TMEM131: variants seen among roughly 807,000 people sequenced by gnomAD.
TMEM131 encodes the protein transmembrane protein 131, also known as 2610524E03Rik.
TMEM131 carries 66 observed loss-of-function variants against 211.6 expected under a neutral mutation model. The observed-to-expected ratio is 0.31, with a 90% confidence interval of 0.26 to 0.38. The LOEUF (loss-of-function observed/expected upper bound fraction) is 0.38. Among genes scored for constraint, TMEM131 ranks in the 10% least tolerant of loss-of-function variants. The pLI is 1.00. For synonymous variants in TMEM131, 844 were observed against 841.3 expected, an observed-to-expected ratio of 1.00 and a Z score of -0.06; for missense variants, 2,036 against 2,299.3, an observed-to-expected ratio of 0.89 and a Z score of 2.34.
intron 1 of TMEM131, among the ~76,000 whole-genome samples, chr2:97,952,128 GC>G (rs375111340): frequency 4.6e-5 from 7 of 151,400 alleles, no homozygotes; most frequent in African/African-American, 1.7e-4. Context: ...CTGCACTCCA[GC>G]CTGGGTGACA....
intron 5 of TMEM131, among the ~76,000 whole-genome samples, chr2:97,847,892 T>C (rs186739042): frequency 1.3e-5 from 2 of 152,196 alleles, no homozygotes; most frequent in Admixed American, 1.3e-4. Flanking sequence ...AAAAGAACAT[T>C]ATAAAAAAAA....
At position 97,812,743 on chromosome 2, in the gene TMEM131, C is replaced by T. The variant is rs757710578; in HGVS notation, c.1624G>A (p.Val542Ile). ...RVYTGFLDYF[V>I]LPPKIEERFI... is the part of the protein sequence containing the mutation. ...CGTTCCTCTATTTTGGGGGGCAATA[C>T]AAAGTACTGGAAAGATATAAAAGAA... The change falls in exon 16 of 41, where the codon GTA becomes ATA. Residue 542 changes from valine (V) to isoleucine (I), a missense_variant. Physicochemically the swap from Val to Ile is conservative, Grantham distance 29 (BLOSUM62 3). Around this residue, in one of 3 missense-constraint regions of TMEM131, gnomAD observed 1,623 missense variants for 1,805.9 expected, o/e 0.90. Coordinates refer to ENST00000186436, the MANE Select transcript of TMEM131 (RefSeq NM_015348.2). The T allele has an allele frequency of 1.9e-5, 30 of 1,551,776 alleles. No individual in the cohort carries two copies. The highest frequency in any genetic ancestry group is 2.6e-5 in the Non-Finnish European group (30 of 1,145,346).
intron 4 of TMEM131, among the ~76,000 whole-genome samples, chr2:97,881,295 C>G (rs6543192): frequency 0.76 from 115,446 of 150,944 alleles, 45,840 homozygotes; most frequent in African/African-American, 0.89. Context: ...CTGGAGTGCA[C>G]TGTTGTGATC....
chr2:97,800,369 C>T (rs1477719683), intron 25 of TMEM131, among the ~76,000 whole-genome samples: 1 of 152,152 alleles, frequency 6.6e-6, no homozygotes, highest in Non-Finnish European at 1.5e-5. Context: ...CAGTGTTCTA[C>T]ATCTTGTAAA....
intron 28 of TMEM131, among the ~76,000 whole-genome samples, chr2:97,795,461 T>C (rs557524782): frequency 6.6e-6 from 1 of 152,328 alleles, no homozygotes; most frequent in Non-Finnish European, 1.5e-5. Flanking sequence ...TAATGTCTTT[T>C]TTAAAAAAAC....
chr2:97,924,035 G>A (rs1406517636), intron 2 of TMEM131, among the ~76,000 whole-genome samples: 4 of 152,004 alleles, frequency 2.6e-5, no homozygotes, highest in African/African-American at 9.7e-5. Context: ...AGCCGAGACT[G>A]CGCCACCGCG....
At chr2:97,925,644 G>A (rs1025099294) in intron 2 of TMEM131, among the ~76,000 whole-genome samples, 2 of 152,064 alleles carry the variant, frequency 1.3e-5, no homozygotes, top group African/African-American at 4.8e-5. Flanking sequence ...GGTACTTACT[G>A]GACACTGAAT....
rs753151846 is a variant in TMEM131, at chr2:97,760,928, C to CA, written c.4890-15dup. On this transcript the variant is annotated splice_polypyrimidine_tract_variant and intron_variant, in intron 36 of 40. Transcript: ENST00000186436. ...ATTTTAGGGTCACTTGAAAAAGAAGCAAAGAGAGAACTCATTCCTCATCAG... is the reference window on the plus strand; with the variant it reads ...ATTTTAGGGTCACTTGAAAAAGAAGCAAAAGAGAGAACTCATTCCTCATCAG... 1 of 1,613,770 alleles carries CA rather than the reference C, an allele frequency of 6.2e-7. No individual in the cohort carries two copies. The highest frequency in any genetic ancestry group is 8.5e-7 in the Non-Finnish European group (1 of 1,179,796).
chr2:97,972,448 A>AG (rs1679341003), intron 1 of TMEM131, among the ~76,000 whole-genome samples: 1 of 10,490 alleles, frequency 9.5e-5, no homozygotes, highest in East Asian at 3.0e-3. Flanking sequence ...GGAGGGAGGG[A>AG]GGGAGGGGAG....
Position 97,812,474 on chromosome 2 carries a change from T to C in TMEM131, c.1810A>G (p.Ile604Val), listed in dbSNP as rs748924902. 1.9e-6 allele frequency: 3 copies of C among 1,613,356 alleles called. No homozygotes were observed. The Admixed American group carries it at 5.0e-5, about 27-fold the overall frequency. Residue 604 changes from isoleucine to valine, a missense_variant, in exon 17 of 41, where the codon ATA (isoleucine) becomes GTA (valine). Transcript: ENST00000186436. ...VAVERGNRTT[I>V]ISSLPEFEKS... Reference sequence around the variant, plus strand: ...TCAAACTCTGGCAGGCTTGAAATTATTGTAGTTCTATTGCCTCTTTCCACA... The same window carrying C: ...TCAAACTCTGGCAGGCTTGAAATTACTGTAGTTCTATTGCCTCTTTCCACA...
chr2:97,951,913 T>C (rs557838473), intron 1 of TMEM131, among the ~76,000 whole-genome samples: 8 of 152,040 alleles, frequency 5.3e-5, no homozygotes, highest in African/African-American at 1.7e-4. Flanking sequence ...AATCCCAGCA[T>C]TATGGGAGGC....
chr2:97,891,015 G>A (rs1301144782), intron 3 of TMEM131, among the ~76,000 whole-genome samples: 4 of 152,118 alleles, frequency 2.6e-5, no homozygotes, highest in Non-Finnish European at 4.4e-5. Context: ...GAGTGAGTAC[G>A]ATACAAGTTG....
chr2:97,932,205 T>A (rs2104458896), intron 1 of TMEM131, among the ~76,000 whole-genome samples: 1 of 151,948 alleles, frequency 6.6e-6, no homozygotes. Context: ...CATCAATATC[T>A]CTTTTACAGT....
intron 15 of TMEM131, among the ~76,000 whole-genome samples, chr2:97,813,530 C>T (rs911659001): frequency 1.3e-5 from 2 of 152,216 alleles, no homozygotes; most frequent in African/African-American, 2.4e-5. Context: ...TCCAACTTTG[C>T]GTCTTTACTA....
At chr2:97,945,464 T>C (rs919369728) in intron 1 of TMEM131, among the ~76,000 whole-genome samples, 1 of 152,188 alleles carries the variant, frequency 6.6e-6, no homozygotes, top group Non-Finnish European at 1.5e-5. Context: ...AAATTGTATC[T>C]CAATATTTTA....
At chr2:97,842,623 C>A (rs941832698) in intron 6 of TMEM131, among the ~76,000 whole-genome samples, 2 of 151,964 alleles carry the variant, frequency 1.3e-5, no homozygotes, top group South Asian at 2.1e-4. Flanking sequence ...GCCTGGAAGA[C>A]AGCAGTGGTA....
chr2:97,960,974 C>T (rs1269486052), intron 1 of TMEM131, among the ~76,000 whole-genome samples: 1 of 151,928 alleles, frequency 6.6e-6, no homozygotes, highest in Non-Finnish European at 1.5e-5. Context: ...TGATAAAATT[C>T]ACCAATTCAT....
At chr2:97,895,090 A>C (rs1675547610) in intron 3 of TMEM131, among the ~76,000 whole-genome samples, 1 of 152,156 alleles carries the variant, frequency 6.6e-6, no homozygotes, top group Admixed American at 6.5e-5. Flanking sequence ...AGGGGTGTTG[A>C]ATTTTGTCGA....
chr2:97,876,940 C>T (rs1431118419), intron 4 of TMEM131, among the ~76,000 whole-genome samples: 5 of 152,102 alleles, frequency 3.3e-5, no homozygotes, highest in Admixed American at 2.0e-4. Context: ...AATGATGATA[C>T]GTTTAGAAAA....
Sources: gnomAD v4.1 joint callset for allele counts (sites outside exome capture counted in the v4.1 genomes callset) on GRCh38, gnomAD v4.1.1 for gene constraint, gnomAD v4.1.1 regional missense constraint, MANE v1.5 for transcripts, NCBI Gene and HGNC (gene_info 2026-07-23, HGNC 2026-07-21) for gene names.